LARP1: variants seen among roughly 807,000 people sequenced by gnomAD.
LARP1 encodes la-related protein 1.
Under a neutral mutation model 122.7 loss-of-function variants are expected in LARP1, and 36 were observed. The ratio of observed to expected loss-of-function variants is 0.29; its 90% CI spans 0.22 to 0.39. The LOEUF (loss-of-function observed/expected upper bound fraction) is 0.39. Ranked by LOEUF, LARP1 falls within the 10% of genes least tolerant of loss-of-function variation. The pLI is 1.00. For synonymous variants in LARP1, 539 were observed against 528.7 expected, an observed-to-expected ratio of 1.02 and a Z score of -0.27; for missense variants, 1,040 against 1,403.6, an observed-to-expected ratio of 0.74 and a Z score of 4.14.
chr5:154,693,583 C>T (rs915215010), intron 1 of LARP1, among the ~76,000 whole-genome samples: 4 of 152,044 alleles, frequency 2.6e-5, no homozygotes, highest in South Asian at 2.1e-4. Context: ...CGACTGGGCG[C>T]GGTGGCTCAC....
chr5:154,795,711 A>T (rs1307768752), intron 8 of LARP1, among the ~76,000 whole-genome samples: 1 of 150,286 alleles, frequency 6.7e-6, no homozygotes. Context: ...GTTAAAAGAA[A>T]ATAGCCACAG....
chr5:154,770,606 C>G (rs1755326732), intron 1 of LARP1, among the ~76,000 whole-genome samples: 1 of 152,166 alleles, frequency 6.6e-6, no homozygotes, highest in African/African-American at 2.4e-5. Context: ...GAGGTTGGGA[C>G]TGATCTTGAC....
At chr5:154,762,888 T>C (rs1159317928) in intron 1 of LARP1, among the ~76,000 whole-genome samples, 1 of 152,110 alleles carries the variant, frequency 6.6e-6, no homozygotes, top group East Asian at 1.9e-4. Context: ...ATAAATGATC[T>C]GATAGAGATA....
intron 1 of LARP1, among the ~76,000 whole-genome samples, chr5:154,775,024 T>C (rs1176044193): frequency 6.6e-6 from 1 of 152,110 alleles, no homozygotes; most frequent in Non-Finnish European, 1.5e-5. Context: ...AGAAGAGGAC[T>C]AGGGCTGGAT....
intron 1 of LARP1, among the ~76,000 whole-genome samples, chr5:154,789,492 A>T: frequency 6.6e-6 from 1 of 152,076 alleles, no homozygotes. Flanking sequence ...AAGTGCTGGG[A>T]TTACAGGCGT....
intron 18 of LARP1, among the ~76,000 whole-genome samples, chr5:154,812,453 C>T (rs1356321158): frequency 6.6e-6 from 1 of 150,756 alleles, no homozygotes; most frequent in Non-Finnish European, 1.5e-5. Flanking sequence ...GCAAATACAT[C>T]CTTCTTCACA....
At chr5:154,810,522 G>T (rs964572648) in intron 16 of LARP1, among the ~76,000 whole-genome samples, 1 of 151,866 alleles carries the variant, frequency 6.6e-6, no homozygotes, top group Non-Finnish European at 1.5e-5. Flanking sequence ...GAGTCTCACT[G>T]TGTCACCTAG....
intron 1 of LARP1, among the ~76,000 whole-genome samples, chr5:154,698,701 A>G (rs1754585186): frequency 6.6e-6 from 1 of 152,336 alleles, no homozygotes; most frequent in Non-Finnish European, 1.5e-5. Context: ...GGCAAATTAT[A>G]TTGTGTGTGA....
At chr5:154,800,977 G>A (rs968926377) in intron 10 of LARP1, among the ~76,000 whole-genome samples, 1 of 152,152 alleles carries the variant, frequency 6.6e-6, no homozygotes, top group African/African-American at 2.4e-5. Context: ...CAAAGTCCAG[G>A]CCTACAAAGT....
rs775293276 is a variant in LARP1, at chr5:154,803,547, G to A, written c.2241G>A (p.Thr747=). ...CTCTCTCTGCCTCTGCAGTTCCTAC[G>A]GATGCCCTGGCCAACAAGTTGTTTG... The part of the protein sequence containing the change: ...PGPPRFQQVP[T]DALANKLFGA... The change falls in exon 13 of 19, where the codon ACG becomes ACA. Residue 747 remains threonine (T), a synonymous_variant. Coordinates refer to ENST00000518297, the MANE Select transcript of LARP1 (RefSeq NM_033551.3). This position sits in a 1 kb window ranked among gnomAD's most constrained non-coding sequence, Gnocchi z 4.4. 1.5e-5 allele frequency: 25 copies of A among 1,613,974 alleles called. No homozygotes were observed. The highest frequency in any genetic ancestry group is 3.3e-5 in the South Asian group (3 of 91,080).
intron 1 of LARP1, among the ~76,000 whole-genome samples, chr5:154,788,796 T>G (rs1173241680): frequency 6.6e-6 from 1 of 152,226 alleles, no homozygotes; most frequent in Non-Finnish European, 1.5e-5. Context: ...ATGTCTGTCT[T>G]TGTTGAAAAA....
chr5:154,719,626 C>G (rs1755732550), intron 1 of LARP1, among the ~76,000 whole-genome samples: 1 of 152,136 alleles, frequency 6.6e-6, no homozygotes, highest in African/African-American at 2.4e-5. Context: ...CTTTGGGAGG[C>G]CGAGGTAGGT....
intron 18 of LARP1, 117 bp downstream of exon 18, chr5:154,811,757 C>T: frequency 8.0e-7 from 1 of 1,257,026 alleles, no homozygotes; most frequent in East Asian, 2.4e-5. Context: ...TCTCCCTGCT[C>T]CCCACAATTT....
At chr5:154,716,030 G>C (rs902188872) in intron 1 of LARP1, among the ~76,000 whole-genome samples, 2 of 152,042 alleles carry the variant, frequency 1.3e-5, no homozygotes, top group Non-Finnish European at 2.9e-5. Context: ...CTGGAGCCTG[G>C]GGCCCTTACC....
chr5:154,750,666 G>A (rs1325963860), upstream of LARP1, among the ~76,000 whole-genome samples: 2 of 152,164 alleles, frequency 1.3e-5, no homozygotes, highest in Non-Finnish European at 2.9e-5. Flanking sequence ...AGGGTGCAGT[G>A]ATGCAATCAC....
chr5:154,791,896 A>T, intron 3 of LARP1: 1 of 452,330 alleles, frequency 2.2e-6, no homozygotes, highest in South Asian at 1.6e-5. Context: ...ATCTCATCTA[A>T]CCCTCACAGT....
intron 10 of LARP1, among the ~76,000 whole-genome samples, chr5:154,801,268 A>G (rs1460618519): frequency 2.6e-5 from 4 of 152,156 alleles, no homozygotes; most frequent in African/African-American, 7.2e-5. Flanking sequence ...GTCTGTCCCT[A>G]TCTTCATCTG....
intron 1 of LARP1, among the ~76,000 whole-genome samples, chr5:154,723,840 T>A (rs893480290): frequency 6.6e-6 from 1 of 152,134 alleles, no homozygotes; most frequent in Admixed American, 6.5e-5. Flanking sequence ...GCGGAACAAG[T>A]GGGGAGAGAG....
In LARP1 at chr5:154,755,540, G is replaced by T. The variant is rs1053940902; in HGVS notation, c.-218G>T. ...AGGAGGCCTGGACTGCAGAGTGGGGGGCCTTCCTCCCCCCCCGCCCCGCTA... is the reference window on the plus strand; with the variant it reads ...AGGAGGCCTGGACTGCAGAGTGGGGTGCCTTCCTCCCCCCCCGCCCCGCTA... On this transcript the variant is annotated 5_prime_UTR_variant, in exon 1 of 19. Coordinates refer to ENST00000518297, the MANE Select transcript of LARP1 (RefSeq NM_033551.3). The T allele has an allele frequency of 2.0e-6, 2 of 986,972 alleles. No homozygotes were observed. The highest frequency in any genetic ancestry group is 1.2e-4 in the Admixed American group (2 of 16,256). 61.1% of individuals were successfully genotyped at this position (986,972 alleles called of 1,614,324 possible).
Sources: gnomAD v4.1 joint callset for allele counts (sites outside exome capture counted in the v4.1 genomes callset) on GRCh38, gnomAD v4.1.1 for gene constraint, Gnocchi (gnomAD v3.1) non-coding constraint, MANE v1.5 for transcripts, NCBI Gene and HGNC (gene_info 2026-07-23, HGNC 2026-07-21) for gene names.